EIF2AK1: variants seen among roughly 807,000 people sequenced by gnomAD.
The protein encoded by EIF2AK1 is eukaryotic translation initiation factor 2 alpha kinase 1.
Under a neutral mutation model 77.9 loss-of-function variants are expected in EIF2AK1, and 54 were observed. The ratio of observed to expected loss-of-function variants is 0.69; its 90% CI spans 0.56 to 0.87. The LOEUF (loss-of-function observed/expected upper bound fraction) is 0.87, where lower values mean the gene tolerates loss of function less well. EIF2AK1 is among the 40% of genes least tolerant of loss of function. The pLI, the probability that EIF2AK1 is intolerant of heterozygous loss-of-function variation, is 0.00. For missense variants in EIF2AK1, 810 were observed against 768.6 expected, an observed-to-expected ratio of 1.05 and a Z score of -0.64; for synonymous variants, 314 against 290.5, an observed-to-expected ratio of 1.08 and a Z score of -0.82.
At chr7:6,056,840 T>C (rs1443343532) in intron 1 of EIF2AK1, among the ~76,000 whole-genome samples, 1 of 151,702 alleles carries the variant, frequency 6.6e-6, no homozygotes, top group Non-Finnish European at 1.5e-5. Context: ...ACTTTTCCTA[T>C]GACATAACAC....
chr7:6,047,486 A>G (rs950006359), intron 4 of EIF2AK1, among the ~76,000 whole-genome samples: 10 of 152,062 alleles, frequency 6.6e-5, no homozygotes, highest in Non-Finnish European at 1.3e-4. Context: ...CAGCCTGGCC[A>G]ACATGGTAAA....
chr7:6,039,793 T>G (rs1788243043), intron 9 of EIF2AK1, among the ~76,000 whole-genome samples: 1 of 149,596 alleles, frequency 6.7e-6, no homozygotes, highest in Non-Finnish European at 1.5e-5. Flanking sequence ...AAAAATTAGC[T>G]GGGCGTGGTG....
At chr7:6,049,380 G>A (rs1316896061) in intron 3 of EIF2AK1, among the ~76,000 whole-genome samples, 8 of 151,996 alleles carry the variant, frequency 5.3e-5, no homozygotes, top group African/African-American at 1.9e-4. Flanking sequence ...TGTCTCTACT[G>A]AAAATACAAA....
chr7:6,034,232 G>T (rs534949835), intron 11 of EIF2AK1, among the ~76,000 whole-genome samples: 1 of 151,898 alleles, frequency 6.6e-6, no homozygotes, highest in South Asian at 2.1e-4. Context: ...GCTTGAACCC[G>T]TGAGGCAGCA....
In EIF2AK1 at chr7:6,042,944, C is replaced by G. The variant is rs1300968530; in HGVS notation, c.780G>C (p.Gln260His). The change falls in exon 8 of 15, where the codon CAG becomes CAC. Residue 260 changes from glutamine to histidine, a missense_variant. By Grantham distance (24) the Gln-to-His change is conservative. Transcript: ENST00000199389. ...GTAAAAGGACATACCTGTCCTCTTCCTGGTCGGAGAGCACTTCCAGAGATG... is the reference window on the plus strand; with the variant it reads ...GTAAAAGGACATACCTGTCCTCTTCGTGGTCGGAGAGCACTTCCAGAGATG... ...ELPSLEVLSD[Q>H]EEDREQCGVK... The G allele has an allele frequency of 6.2e-7, 1 of 1,614,050 alleles. No individual in the cohort carries two copies. The highest frequency in any genetic ancestry group is 1.3e-5 in the African/African-American group (1 of 75,040).
At chr7:6,054,840 G>C (rs1377985669) in intron 1 of EIF2AK1, 136 bp from the exon 2 acceptor site, 1 of 923,218 alleles carries the variant, frequency 1.1e-6, no homozygotes, top group Non-Finnish European at 1.6e-6. Flanking sequence ...GTTATGCTGA[G>C]TTGGGTTAAT....
In EIF2AK1 at chr7:6,054,675, A is replaced by T. The variant is rs755496480; in HGVS notation, c.148T>A (p.Leu50Ile). 16 of 1,614,126 alleles carry T rather than the reference A, an allele frequency of 9.9e-6. No individual in the cohort carries two copies. Among genetic ancestry groups the T allele is most frequent in the Non-Finnish European group, 1.4e-5 (16 of 1,180,004 alleles). ...GTTGGCTGTTGTAGGGGTTCTTTTA[A>T]CACCTGGATTTCTGCTGGAACATCA... ...ESDVPAEIQV[L>I]KEPLQQPTFP... Residue 50 changes from leucine (L) to isoleucine (I), a missense_variant, in exon 2 of 15, where the codon TTA (leucine) becomes ATA (isoleucine). This residue lies in a region of EIF2AK1 where 246 missense variants were observed against 199.0 expected (regional missense o/e 1.24). Coordinates refer to ENST00000199389, the MANE Select transcript of EIF2AK1 (RefSeq NM_014413.4).
intron 7 of EIF2AK1, among the ~76,000 whole-genome samples, chr7:6,043,559 G>A (rs1788357758): frequency 6.6e-6 from 1 of 151,890 alleles, no homozygotes; most frequent in African/African-American, 2.4e-5. Flanking sequence ...CTCCCGAGTA[G>A]CCGGGACTAC....
chr7:6,045,014 G>A (rs1788406183), intron 6 of EIF2AK1, among the ~76,000 whole-genome samples: 1 of 151,970 alleles, frequency 6.6e-6, no homozygotes, highest in South Asian at 2.1e-4. Flanking sequence ...ATTTATGATG[G>A]GTTTATCAGG....
chr7:6,034,965 C>T (rs1044462398), intron 11 of EIF2AK1, among the ~76,000 whole-genome samples: 9 of 152,070 alleles, frequency 5.9e-5, no homozygotes, highest in Admixed American at 2.6e-4. Flanking sequence ...AACGGGAGTT[C>T]GGGCCTTCAC....
At chr7:6,037,330 G>A in intron 11 of EIF2AK1, 94 bp downstream of exon 11, 10 of 777,594 alleles carry the variant, frequency 1.3e-5, no homozygotes, top group Non-Finnish European at 2.2e-5. Flanking sequence ...AATGAACTAG[G>A]ACATGTAATC....
rs1315749390 is a variant in EIF2AK1 at position 6,036,422 on chromosome 7, C to T, written c.1332+1002G>A. 7.1e-7 allele frequency: 1 copy of T among 1,411,704 alleles called. No individual in the cohort carries two copies. Among genetic ancestry groups the T allele is most frequent in the Non-Finnish European group, 9.3e-7 (1 of 1,078,240 alleles). 87.4% of individuals were successfully genotyped at this position (1,411,704 alleles called of 1,614,324 possible). ...CCCAGTTTCACAGCAGAGGGACTTT[C>T]AGCCACTCAAACTGCATTTTCTGGC... On this transcript the variant is annotated intron_variant, in intron 11 of 14. Coordinates refer to ENST00000199389, the MANE Select transcript of EIF2AK1 (RefSeq NM_014413.4). The surrounding 1 kb of genome is among the most constrained non-coding windows in gnomAD (Gnocchi z 4.6).
chr7:6,058,341 C>G, intron 1 of EIF2AK1: 1 of 349,220 alleles, frequency 2.9e-6, no homozygotes. Context: ...CACTTGAGCC[C>G]AGGAGTTGGA....
chr7:6,023,815 T>A lies in EIF2AK1; in HGVS notation c.*858A>T. The A allele has an allele frequency of 6.4e-7, 1 of 1,572,958 alleles. No homozygotes were observed. The highest frequency in any genetic ancestry group is 1.2e-5 in the South Asian group (1 of 86,064). On this transcript the variant is annotated 3_prime_UTR_variant, in exon 15 of 15. Coordinates refer to ENST00000199389, the MANE Select transcript of EIF2AK1 (RefSeq NM_014413.4). ...ATTTAGGCCAGTTGTCAAGTGTCAATAAAAGCATCATGTAATTTATGGTTT... is the reference window on the plus strand; with the variant it reads ...ATTTAGGCCAGTTGTCAAGTGTCAAAAAAAGCATCATGTAATTTATGGTTT...
At chr7:6,030,280 G>A (rs1441181266) in intron 11 of EIF2AK1, among the ~76,000 whole-genome samples, 1 of 152,092 alleles carries the variant, frequency 6.6e-6, no homozygotes. Flanking sequence ...GGCGACGTCC[G>A]GGAAGATCGT....
At chr7:6,049,606 C>G (rs951514010) in intron 3 of EIF2AK1, among the ~76,000 whole-genome samples, 1 of 150,504 alleles carries the variant, frequency 6.6e-6, no homozygotes, top group East Asian at 1.9e-4. Flanking sequence ...CCATCTGTGG[C>G]CTCTCCTTTG....
At chr7:6,046,037 A>C in intron 6 of EIF2AK1, 34 bp downstream of exon 6, 1 of 1,364,046 alleles carries the variant, frequency 7.3e-7, no homozygotes, top group Non-Finnish European at 1.0e-6. Flanking sequence ...TAAATACACA[A>C]TTATTCAAAA....
chr7:6,047,441 G>A lies in EIF2AK1; in HGVS notation c.450-350C>T, dbSNP rs532032422. Reference sequence around the variant, plus strand: ...TGTAATCCCAGCACTTTGGGAGGCCGAGGAGGGCAGATCATGAGGTCAGGA... The same window carrying A: ...TGTAATCCCAGCACTTTGGGAGGCCAAGGAGGGCAGATCATGAGGTCAGGA... On this transcript the variant is annotated intron_variant, in intron 4 of 14. Coordinates refer to ENST00000199389, the MANE Select transcript of EIF2AK1 (RefSeq NM_014413.4). Among the ~76,000 whole-genome samples the A allele has an allele frequency of 7.9e-5, 12 of 152,188 alleles. No individual in the cohort carries two copies. In the South Asian group the frequency reaches 1.2e-3, roughly 16 times the overall value.
chr7:6,043,079 G>A (rs1363130613), intron 7 of EIF2AK1, 86 bp from the exon 8 acceptor site: 10 of 1,297,470 alleles, frequency 7.7e-6, no homozygotes, highest in South Asian at 1.2e-5. Context: ...TACAAATAGT[G>A]TCAAATGAGA....
Sources: allele counts gnomAD v4.1 joint callset (sites outside exome capture counted in the v4.1 genomes callset), GRCh38; gene constraint gnomAD v4.1.1; regional missense constraint gnomAD v4.1.1; non-coding constraint Gnocchi (gnomAD v3.1); transcripts MANE v1.5; gene names NCBI Gene and HGNC (gene_info 2026-07-23, HGNC 2026-07-21).